The following NVL variants were observed in gnomAD, a reference collection of about 807,000 sequenced individuals.
The protein encoded by NVL is nuclear VCP like.
NVL carries 84 observed loss-of-function variants against 110.2 expected under a neutral mutation model. That is an observed-to-expected ratio of 0.76 (90% CI 0.64 to 0.91). NVL has a LOEUF of 0.91. NVL is among the 40% of genes least tolerant of loss of function. The pLI, the probability that NVL is intolerant of heterozygous loss-of-function variation, is 0.00. For missense variants in NVL, 882 were observed against 1,035.9 expected, an observed-to-expected ratio of 0.85 and a Z score of 2.04; for synonymous variants, 354 against 361.1, an observed-to-expected ratio of 0.98 and a Z score of 0.22.
chr1:224,275,563 A>G, intron 16 of NVL, 105 bp from the exon 17 acceptor site: 1 of 1,395,426 alleles, frequency 7.2e-7, no homozygotes, highest in Non-Finnish European at 1.0e-6. Flanking sequence ...TTTATGTGTC[A>G]AAGTCCAGAA....
intron 15 of NVL, among the ~76,000 whole-genome samples, chr1:224,285,345 GA>G (rs1459416588): frequency 6.6e-6 from 1 of 152,194 alleles, no homozygotes. Flanking sequence ...TGAGGCAAGA[GA>G]ATTGATTGAA....
Position 224,330,155 on chromosome 1 carries a change from G to A in NVL, c.-28C>T, listed in dbSNP as rs1158120281. The A allele has an allele frequency of 6.2e-7, 1 of 1,613,152 alleles. No homozygotes were observed. The highest frequency in any genetic ancestry group is 2.2e-5 in the East Asian group (1 of 44,852). On this transcript the variant is annotated 5_prime_UTR_variant, in exon 1 of 23. Transcript: ENST00000281701. ...CGTCGGTCTTCCAAGCCACAGCTCG[G>A]ACCGCCAGCTCCTAGTCAACCGGGG...
In NVL at chr1:224,253,108, C is replaced by T. The variant is rs189831967; in HGVS notation, c.2183-2790G>A. Among the ~76,000 whole-genome samples, 239 of 151,722 alleles carry T rather than the reference C, an allele frequency of 1.6e-3. 1 individual carries two copies. Among genetic ancestry groups the T allele is most frequent in the Non-Finnish European group, 2.6e-3 (179 of 67,954 alleles). On this transcript the variant is annotated intron_variant, in intron 18 of 22. Coordinates refer to ENST00000281701, the MANE Select transcript of NVL (RefSeq NM_002533.4). The stretch of plus-strand genomic sequence containing the variant: ...TCACCCAGGCTAGAGTGCAGTGGGG[C>T]GATCTCGGCTCATTGCAACCTCTGC...
chr1:224,262,345 T>C (rs138054827), intron 18 of NVL, among the ~76,000 whole-genome samples: 6 of 152,222 alleles, frequency 3.9e-5, no homozygotes, highest in Non-Finnish European at 5.9e-5. Context: ...AATAAAGATA[T>C]TTTTAAATAT....
chr1:224,310,899 TTTTA>T (rs377068400), intron 5 of NVL, among the ~76,000 whole-genome samples: 181 of 151,906 alleles, frequency 1.2e-3, no homozygotes, highest in African/African-American at 4.2e-3. Context: ...TCCAGCTAAT[TTTTA>T]TTTGTTTTTT....
chr1:224,260,490 T>A (rs1663841414), intron 18 of NVL, among the ~76,000 whole-genome samples: 2 of 151,742 alleles, frequency 1.3e-5, no homozygotes, highest in Non-Finnish European at 2.9e-5. Flanking sequence ...TCTCCTAACC[T>A]CGTGATGTGT....
At chr1:224,257,257 A>C (rs576045658) in intron 18 of NVL, 45 of 397,924 alleles carry the variant, frequency 1.1e-4, no homozygotes, top group African/African-American at 8.7e-4. Context: ...ATCTGTTGAT[A>C]AGCAGCACCT....
chr1:224,272,388 A>C (rs115845653), intron 17 of NVL, among the ~76,000 whole-genome samples: 1,739 of 152,118 alleles, frequency 0.011, 37 homozygotes, highest in African/African-American at 0.04. Context: ...TAAAAATAAA[A>C]TGTTTTTAGA....
chr1:224,328,179 G>A (rs1428859168), intron 1 of NVL, among the ~76,000 whole-genome samples: 3 of 152,000 alleles, frequency 2.0e-5, no homozygotes, highest in Admixed American at 1.3e-4. Flanking sequence ...CCATCAACCC[G>A]TCATCTACAT....
intron 19 of NVL, 89 bp from the exon 20 acceptor site, chr1:224,236,671 G>C: frequency 9.4e-7 from 1 of 1,062,168 alleles, no homozygotes; most frequent in Non-Finnish European, 1.5e-6. Context: ...AGCACTTTGG[G>C]AGGCCAAGGT....
chr1:224,266,450 C>T (rs1035346772), intron 18 of NVL, among the ~76,000 whole-genome samples: 6 of 152,192 alleles, frequency 3.9e-5, no homozygotes, highest in African/African-American at 1.4e-4. Flanking sequence ...CTTTTGCTCT[C>T]TCATGCATGC....
At chr1:224,300,426 T>G (rs1420964804) in intron 10 of NVL, 136 bp downstream of exon 10, 1 of 553,434 alleles carries the variant, frequency 1.8e-6, no homozygotes, top group Admixed American at 3.3e-5. Flanking sequence ...CCATCATGCA[T>G]AGCAAATTAC....
chr1:224,301,636 TA>T, intron 9 of NVL: 4 of 326,380 alleles, frequency 1.2e-5, no homozygotes, highest in South Asian at 4.5e-5. Context: ...ACCCCACCTC[TA>T]AAAAAATAAT....
intron 2 of NVL, among the ~76,000 whole-genome samples, chr1:224,325,283 G>A (rs780258403): frequency 1.3e-5 from 2 of 151,090 alleles, no homozygotes; most frequent in Non-Finnish European, 3.0e-5. Flanking sequence ...AAAAGACTCA[G>A]GAAGCTGGCT....
At chr1:224,233,540 A>T (rs976883524) in intron 20 of NVL, among the ~76,000 whole-genome samples, 1 of 151,970 alleles carries the variant, frequency 6.6e-6, no homozygotes, top group Non-Finnish European at 1.5e-5. Flanking sequence ...TGGGTGGATC[A>T]CTTGAACAGG....
intron 18 of NVL, among the ~76,000 whole-genome samples, chr1:224,262,877 T>C (rs1388084885): frequency 6.6e-6 from 1 of 152,142 alleles, no homozygotes; most frequent in Non-Finnish European, 1.5e-5. Context: ...TAAACACTAG[T>C]GACTTAACCA....
At chr1:224,242,487 C>CTTTTTTTTT (rs11385074) in intron 19 of NVL, among the ~76,000 whole-genome samples, 2 of 128,350 alleles carry the variant, frequency 1.6e-5, no homozygotes, top group Admixed American at 8.8e-5. Context: ...CAAATCTATT[C>CTTTTTTTTT]TTTTTTTTTT....
At chr1:224,305,993 T>C (rs1668878078) in intron 6 of NVL, among the ~76,000 whole-genome samples, 1 of 22,708 alleles carries the variant, frequency 4.4e-5, no homozygotes, top group Non-Finnish European at 1.4e-4. Flanking sequence ...GACACTGATA[T>C]TTGCCTTTTA....
chr1:224,250,647 T>C (rs1571829145), intron 18 of NVL, among the ~76,000 whole-genome samples: 2 of 152,216 alleles, frequency 1.3e-5, no homozygotes, highest in South Asian at 4.2e-4. Context: ...TTCTGAGATT[T>C]TGGTGCACCC....
Sources: gnomAD v4.1 joint callset for allele counts (sites outside exome capture counted in the v4.1 genomes callset) on GRCh38, gnomAD v4.1.1 for gene constraint, MANE v1.5 for transcripts, NCBI Gene and HGNC (gene_info 2026-07-23, HGNC 2026-07-21) for gene names.